Variants in CFAP90 observed in about 807,000 individuals in gnomAD.
CFAP90 encodes cilia- and flagella-associated protein 90.
At chr5:7,835,422 C>T in the CFAP90 span, 1 of 1,607,056 alleles carries the variant, frequency 6.2e-7, no homozygotes. Context: ...TGCATGTTCT[C>T]TGTCATCTCG....
the CFAP90 span, among the ~76,000 whole-genome samples, chr5:7,834,305 C>T: frequency 2.5e-3 from 384 of 151,566 alleles, 2 homozygotes; most frequent in Non-Finnish European, 4.4e-3. Context: ...ACTTTAAAAG[C>T]TTAAAAAAAT....
chr5:7,832,051 CAT>C, the CFAP90 span: 2 of 1,598,494 alleles, frequency 1.3e-6, no homozygotes, highest in Non-Finnish European at 1.7e-6. Context: ...TATCAAAGCA[CAT>C]AGTCAGCACC....
chr5:7,850,815 GCCGCCCAGCCGCCCA>G, the CFAP90 span: 6 of 1,208,976 alleles, frequency 5.0e-6, no homozygotes, highest in Non-Finnish European at 6.2e-6. Flanking sequence ...CAGCCGCCCA[GCCGCCCAGCCGCCCA>G]GCCGCCCAGC....
At chr5:7,838,588 C>T in the CFAP90 span, among the ~76,000 whole-genome samples, 2 of 152,192 alleles carry the variant, frequency 1.3e-5, no homozygotes, top group African/African-American at 4.8e-5. Context: ...ACTGGCCAGC[C>T]AATAGCTTGA....
the CFAP90 span, among the ~76,000 whole-genome samples, chr5:7,844,731 T>A: frequency 6.6e-6 from 1 of 152,146 alleles, no homozygotes; most frequent in Non-Finnish European, 1.5e-5. Flanking sequence ...GTTGCCTAGA[T>A]AATGACAGGC....
At chr5:7,832,002 T>C in the CFAP90 span, 1 of 1,611,838 alleles carries the variant, frequency 6.2e-7, no homozygotes, top group Non-Finnish European at 8.5e-7. Context: ...ACAGAAGACG[T>C]CAGCACTCCA....
chr5:7,834,670 TTATAC>T, the CFAP90 span, among the ~76,000 whole-genome samples: 2 of 152,276 alleles, frequency 1.3e-5, no homozygotes, highest in Admixed American at 6.5e-5. Context: ...TTTTTATCTT[TTATAC>T]TATATTTTTA....
the CFAP90 span, chr5:7,835,646 G>C: frequency 1.0e-5 from 6 of 580,120 alleles, no homozygotes; most frequent in Non-Finnish European, 1.8e-5. Flanking sequence ...TCACCAAGCA[G>C]AACCAGCTGT....
chr5:7,831,732 T>C, the CFAP90 span: 4 of 1,001,606 alleles, frequency 4.0e-6, no homozygotes, highest in Admixed American at 2.3e-5. Context: ...AACACAGGCA[T>C]AGCCAAGCTC....
the CFAP90 span, among the ~76,000 whole-genome samples, chr5:7,833,972 A>G: frequency 1.3e-5 from 2 of 152,214 alleles, no homozygotes; most frequent in Non-Finnish European, 2.9e-5. Flanking sequence ...TGTACAGCTC[A>G]TAGTACTTGA....
At chr5:7,850,913 C>G in the CFAP90 span, 3 of 1,361,756 alleles carry the variant, frequency 2.2e-6, no homozygotes, top group Middle Eastern at 2.2e-4. Flanking sequence ...TCTTTGGGGT[C>G]CAGGCGCCGC....
chr5:7,845,059 C>T, the CFAP90 span, among the ~76,000 whole-genome samples: 1 of 152,152 alleles, frequency 6.6e-6, no homozygotes, highest in South Asian at 2.1e-4. Context: ...AACTTACAAT[C>T]ATGGCAGAAA....
the CFAP90 span, among the ~76,000 whole-genome samples, chr5:7,836,209 C>T: frequency 1.3e-5 from 2 of 152,156 alleles, no homozygotes; most frequent in South Asian, 4.1e-4. Context: ...AACAAAATGA[C>T]ATTTCTAAGG....
At chr5:7,837,075 C>CAT in the CFAP90 span, among the ~76,000 whole-genome samples, 1 of 151,806 alleles carries the variant, frequency 6.6e-6, no homozygotes, top group Admixed American at 6.6e-5. Context: ...CTTGGTAATC[C>CAT]ATATATATAT....
At chr5:7,832,579 C>A in the CFAP90 span, among the ~76,000 whole-genome samples, 1 of 152,112 alleles carries the variant, frequency 6.6e-6, no homozygotes, top group African/African-American at 2.4e-5. Flanking sequence ...CCTCTGCCTC[C>A]CAGGTTCAAG....
the CFAP90 span, among the ~76,000 whole-genome samples, chr5:7,842,073 A>G: frequency 0.23 from 35,354 of 151,976 alleles, 4,302 homozygotes; most frequent in Middle Eastern, 0.3. Flanking sequence ...TAAGCCACCA[A>G]GTCCGTGGTA....
the CFAP90 span, chr5:7,831,985 C>T: frequency 3.5e-5 from 56 of 1,613,496 alleles, no homozygotes; most frequent in Non-Finnish European, 4.6e-5. Flanking sequence ...TGATGCGCTT[C>T]CCATAGACAG....
the CFAP90 span, chr5:7,831,945 A>G: frequency 2.5e-6 from 4 of 1,614,174 alleles, no homozygotes; most frequent in Non-Finnish European, 3.4e-6. Flanking sequence ...GCACGGCCAA[A>G]GTCCCGGTTT....
At chr5:7,839,023 G>A in the CFAP90 span, among the ~76,000 whole-genome samples, 2 of 152,232 alleles carry the variant, frequency 1.3e-5, no homozygotes, top group Non-Finnish European at 2.9e-5. Flanking sequence ...GTTCTGTGTG[G>A]ATGATGTGTG....
Sources: gnomAD v4.1 joint callset for allele counts (sites outside exome capture counted in the v4.1 genomes callset) on GRCh38, gnomAD v4.1.1 for gene constraint, MANE v1.5 for transcripts, NCBI Gene and HGNC (gene_info 2026-07-23, HGNC 2026-07-21) for gene names.